PRDM2: variants seen among roughly 807,000 people sequenced by gnomAD.
PRDM2 encodes the protein PR/SET domain 2.
Under a neutral mutation model 130.0 loss-of-function variants are expected in PRDM2, and 30 were observed. That is an observed-to-expected ratio of 0.23 (90% CI 0.17 to 0.31). The LOEUF (loss-of-function observed/expected upper bound fraction) is 0.31, where lower values mean the gene tolerates loss of function less well. PRDM2 is among the 10% of genes least tolerant of loss of function. The pLI, the probability that PRDM2 is intolerant of heterozygous loss-of-function variation, is 1.00. For missense variants in PRDM2, 2,011 were observed against 2,108.4 expected, an observed-to-expected ratio of 0.95 and a Z score of 0.90; for synonymous variants, 871 against 782.4, an observed-to-expected ratio of 1.11 and a Z score of -1.89.
At chr1:13,735,656 C>A (rs924772988) in intron 4 of PRDM2, among the ~76,000 whole-genome samples, 1 of 152,164 alleles carries the variant, frequency 6.6e-6, no homozygotes, top group African/African-American at 2.4e-5. Flanking sequence ...GCACTGCCTT[C>A]CCCATTATCA....
intron 4 of PRDM2, among the ~76,000 whole-genome samples, chr1:13,741,771 TG>T (rs1643453645): frequency 2.6e-5 from 3 of 117,296 alleles, no homozygotes; most frequent in African/African-American, 1.0e-4. Flanking sequence ...TGTGTAGGGG[TG>T]GGGGGCGCGG....
At chr1:13,775,463 T>C (rs1644455051) in intron 7 of PRDM2, among the ~76,000 whole-genome samples, 1 of 152,248 alleles carries the variant, frequency 6.6e-6, no homozygotes, top group Non-Finnish European at 1.5e-5. Context: ...AATATGTTAC[T>C]ACTGTCGAAT....
intron 8 of PRDM2, among the ~76,000 whole-genome samples, chr1:13,785,834 CTTTT>C (rs537560305): frequency 8.7e-6 from 1 of 115,104 alleles, no homozygotes. Flanking sequence ...TTTTTGGGTT[CTTTT>C]TTTTTTTTTT....
rs184342015 is a variant in PRDM2, at chr1:13,736,119, T to C, written c.231+3237T>C. Among the ~76,000 whole-genome samples, 28 of 150,742 alleles carry C rather than the reference T, an allele frequency of 1.9e-4. No individual in the cohort carries two copies. In the East Asian group the frequency reaches 2.7e-3, roughly 15 times the overall value. On this transcript the variant is annotated intron_variant, in intron 4 of 9. Coordinates refer to ENST00000311066, the MANE Select transcript of PRDM2 (RefSeq NM_001393986.1). ...CGTTATTGTTTGTTTCTTTTCTTTT[T>C]TTTTTTTTTTTTGAGACAAGGTCTT...
At position 13,778,540 on chromosome 1, in the gene PRDM2, C is replaced by T. The variant is rs1275643688; in HGVS notation, c.745C>T (p.Gln249Ter). ...LATPAPAWEPQPEPDERLEAA... is the reference protein window; with the variant it reads ...LATPAPAWEP The stretch of plus-strand genomic sequence containing the variant: ...AACCCCTGCCCCTGCCTGGGAGCCA[C>T]AGCCAGAACCAGACGAGCGATTAGA... The change falls in exon 8 of 10, where the codon CAG (glutamine) becomes TAG (stop). Residue 249 changes from glutamine (Q) to a stop codon, truncating the protein, a stop_gained. Transcript: ENST00000311066. LOFTEE classifies it high-confidence loss of function. 6.2e-7 allele frequency: 1 copy of T among 1,614,064 alleles called. No individual in the cohort carries two copies. Among genetic ancestry groups the T allele is most frequent in the Non-Finnish European group, 8.5e-7 (1 of 1,180,058 alleles).
At chr1:13,740,405 G>A (rs536888299) in intron 4 of PRDM2, among the ~76,000 whole-genome samples, 2 of 152,292 alleles carry the variant, frequency 1.3e-5, no homozygotes, top group South Asian at 4.1e-4. Flanking sequence ...GAGCCCAGGG[G>A]CAGTTTATGT....
At chr1:13,722,368 A>G (rs1642757098) in intron 2 of PRDM2, among the ~76,000 whole-genome samples, 1 of 152,176 alleles carries the variant, frequency 6.6e-6, no homozygotes, top group African/African-American at 2.4e-5. Flanking sequence ...AAATTGAGAA[A>G]GGCCCAGAGT....
rs753640822 is a variant in PRDM2, at chr1:13,780,638, C to T, written c.2843C>T (p.Ser948Leu). 3 of 1,613,698 alleles carry T rather than the reference C, an allele frequency of 1.9e-6. No individual in the cohort carries two copies. Among genetic ancestry groups the T allele is most frequent in the South Asian group, 2.2e-5 (2 of 91,056 alleles). ...VESTPDVCPSSPALQTPSLSS... is the reference protein window; with the variant it reads ...VESTPDVCPSLPALQTPSLSS... ...TCCACACCTGATGTTTGTCCTTCATCACCTGCCCTGCAGACACCCTCCCTT... is the reference window on the plus strand; with the variant it reads ...TCCACACCTGATGTTTGTCCTTCATTACCTGCCCTGCAGACACCCTCCCTT... Residue 948 changes from serine to leucine, a missense_variant, in exon 8 of 10, where the codon TCA (serine) becomes TTA (leucine). This residue lies in a region of PRDM2 where 1,288 missense variants were observed against 1,237.7 expected (regional missense o/e 1.04). Transcript: ENST00000311066.
At chr1:13,801,298 G>A (rs573615694) in intron 8 of PRDM2, among the ~76,000 whole-genome samples, 3 of 152,344 alleles carry the variant, frequency 2.0e-5, no homozygotes, top group Non-Finnish European at 4.4e-5. Flanking sequence ...CGTTCACAGC[G>A]TATGTTTGCT....
In PRDM2 at chr1:13,820,488, C is replaced by T. The variant is rs145486536; in HGVS notation, c.*24-2671C>T. On this transcript the variant is annotated intron_variant, in intron 9 of 9. Coordinates refer to ENST00000311066, the MANE Select transcript of PRDM2 (RefSeq NM_001393986.1). ...TCCTTTGCACATCCTGTCTTCACCC[C>T]GTGTCTTTCCTACCCCAGGGGTTCA... 5.0e-3 allele frequency among the ~76,000 whole-genome samples: 765 copies of T among 152,356 alleles called. 4 individuals carry two copies. The highest frequency in any genetic ancestry group is 0.018 in the African/African-American group (736 of 41,580).
At chr1:13,716,512 G>A (rs1355409396) in intron 2 of PRDM2, among the ~76,000 whole-genome samples, 1 of 152,112 alleles carries the variant, frequency 6.6e-6, no homozygotes, top group African/African-American at 2.4e-5. Context: ...AATGATCAAA[G>A]AAGAAACTTT....
chr1:13,804,468 G>A (rs1645057484), intron 8 of PRDM2, among the ~76,000 whole-genome samples: 1 of 152,084 alleles, frequency 6.6e-6, no homozygotes, highest in African/African-American at 2.4e-5. Context: ...GCCGCTAAAG[G>A]TGTCCCCCAG....
At chr1:13,816,632 G>A (rs964599560) in intron 9 of PRDM2, 62 bp downstream of exon 9, 34 of 1,572,532 alleles carry the variant, frequency 2.2e-5, no homozygotes, top group Non-Finnish European at 3.0e-5. Flanking sequence ...GTGTGGGCTT[G>A]GGTCTTGGGT....
intron 4 of PRDM2, among the ~76,000 whole-genome samples, chr1:13,740,204 A>G (rs2100501659): frequency 6.6e-6 from 1 of 152,318 alleles, no homozygotes; most frequent in East Asian, 1.9e-4. Flanking sequence ...GTTGTGGCAC[A>G]ACCTATATTT....
rs1399724992 is a variant in PRDM2, at chr1:13,779,167, A to G, written c.1372A>G (p.Met458Val). The G allele has an allele frequency of 2.5e-6, 4 of 1,614,120 alleles. No homozygotes were observed. The highest frequency in any genetic ancestry group is 1.3e-5 in the African/African-American group (1 of 74,948). The change falls in exon 8 of 10, where the codon ATG becomes GTG. Residue 458 changes from methionine (M) to valine (V), a missense_variant. Met to Val is a conservative substitution (Grantham distance 21). Around this residue, in one of 5 missense-constraint regions of PRDM2, gnomAD observed 1,288 missense variants for 1,237.7 expected, o/e 1.04. Coordinates refer to ENST00000311066, the MANE Select transcript of PRDM2 (RefSeq NM_001393986.1). This position sits in a 1 kb window ranked among gnomAD's most constrained non-coding sequence, Gnocchi z 4.9. The part of the protein sequence containing the change: ...PPSLGPDCLI[M>V]NSEKASQDTI... ...CAGTCTTGGGCCAGACTGTCTGATC[A>G]TGAATTCAGAGAAGGCTTCCCAAGA...
intron 9 of PRDM2, among the ~76,000 whole-genome samples, chr1:13,820,285 G>A (rs911000539): frequency 2.6e-5 from 4 of 152,162 alleles, no homozygotes; most frequent in African/African-American, 9.7e-5. Flanking sequence ...TTCGTCACCC[G>A]TCTCCCGGAC....
intron 7 of PRDM2, among the ~76,000 whole-genome samples, chr1:13,775,647 G>A (rs1449380650): frequency 2.0e-5 from 3 of 152,192 alleles, no homozygotes; most frequent in South Asian, 4.1e-4. Flanking sequence ...GACTGAATAA[G>A]TGAGCTTGTA....
chr1:13,797,097 T>C (rs372876520), intron 8 of PRDM2, among the ~76,000 whole-genome samples: 121 of 152,382 alleles, frequency 7.9e-4, no homozygotes, highest in African/African-American at 2.8e-3. Flanking sequence ...AGTGGTTTAA[T>C]CTTGATAGTT....
chr1:13,790,637 C>T (rs901784274), intron 8 of PRDM2, among the ~76,000 whole-genome samples: 1 of 152,156 alleles, frequency 6.6e-6, no homozygotes, highest in Non-Finnish European at 1.5e-5. Flanking sequence ...GGAATGATGA[C>T]GTGACCGTTA....
Sources: allele counts gnomAD v4.1 joint callset (sites outside exome capture counted in the v4.1 genomes callset), GRCh38; gene constraint gnomAD v4.1.1; regional missense constraint gnomAD v4.1.1; non-coding constraint Gnocchi (gnomAD v3.1); transcripts MANE v1.5; gene names NCBI Gene and HGNC (gene_info 2026-07-23, HGNC 2026-07-21).